GRHL2: variants seen among roughly 807,000 people sequenced by gnomAD.
GRHL2 encodes grainyhead like transcription factor 2.
GRHL2 carries 21 observed loss-of-function variants against 83.8 expected under a neutral mutation model. That is an observed-to-expected ratio of 0.25 (90% CI 0.18 to 0.36). The LOEUF (loss-of-function observed/expected upper bound fraction) is 0.36. Ranked by LOEUF, GRHL2 falls within the 10% of genes least tolerant of loss-of-function variation. GRHL2 has a pLI of 1.00. For missense variants in GRHL2, 623 were observed against 781.8 expected, an observed-to-expected ratio of 0.80 and a Z score of 2.42; for synonymous variants, 280 against 278.9, an observed-to-expected ratio of 1.00 and a Z score of -0.04.
intron 8 of GRHL2, among the ~76,000 whole-genome samples, chr8:101,610,809 C>T (rs1311552982): frequency 1.3e-5 from 2 of 150,834 alleles, no homozygotes; most frequent in South Asian, 4.2e-4. Context: ...CCAGGTTTGA[C>T]TTCTCACCAC....
downstream of GRHL2, among the ~76,000 whole-genome samples, chr8:101,672,484 C>T (rs555402357): frequency 3.8e-4 from 58 of 151,532 alleles, 1 homozygote; most frequent in African/African-American, 1.1e-3. Context: ...TGAAATGAAG[C>T]GAGAAGGGAA....
At chr8:101,613,542 C>A (rs1812794976) in intron 8 of GRHL2, among the ~76,000 whole-genome samples, 1 of 150,742 alleles carries the variant, frequency 6.6e-6, no homozygotes, top group Non-Finnish European at 1.5e-5. Context: ...GATGGTTACC[C>A]AAAGCTGAGA....
At chr8:101,562,814 G>T (rs536717987) in intron 4 of GRHL2, among the ~76,000 whole-genome samples, 20 of 152,270 alleles carry the variant, frequency 1.3e-4, no homozygotes, top group South Asian at 1.2e-3. Flanking sequence ...GGGGGTCATT[G>T]GTTCTCTACT....
intron 1 of GRHL2, chr8:101,529,162 C>G (rs1471060655): frequency 7.2e-6 from 2 of 278,832 alleles, no homozygotes; most frequent in African/African-American, 4.6e-5. Context: ...CTTCAGCATG[C>G]CCTGAAAAAT....
At chr8:101,619,255 A>AAAAAT (rs1246877235) in intron 8 of GRHL2, among the ~76,000 whole-genome samples, 6 of 152,306 alleles carry the variant, frequency 3.9e-5, no homozygotes, top group African/African-American at 9.6e-5. Context: ...TCTGTCTCAA[A>AAAAAT]AAAATAAAAT....
intron 14 of GRHL2, among the ~76,000 whole-genome samples, chr8:101,652,269 TA>T (rs1290900308): frequency 1.3e-5 from 2 of 151,154 alleles, no homozygotes; most frequent in Non-Finnish European, 2.9e-5. Context: ...CAATATGACA[TA>T]TTATATATCT....
intron 14 of GRHL2, among the ~76,000 whole-genome samples, chr8:101,656,532 A>T (rs1277698182): frequency 6.6e-6 from 1 of 152,202 alleles, no homozygotes; most frequent in Non-Finnish European, 1.5e-5. Flanking sequence ...AAGAAGGATA[A>T]ACATTCCCAT....
chr8:101,536,624 C>T, intron 1 of GRHL2, among the ~76,000 whole-genome samples: 1 of 152,170 alleles, frequency 6.6e-6, no homozygotes, highest in Admixed American at 6.5e-5. Flanking sequence ...GGCAGTCTGG[C>T]TTCAGAGTCT....
intron 9 of GRHL2, among the ~76,000 whole-genome samples, chr8:101,625,686 G>A (rs1301966809): frequency 6.6e-6 from 1 of 151,962 alleles, no homozygotes; most frequent in Non-Finnish European, 1.5e-5. Flanking sequence ...AACTGGGAAG[G>A]ACTATGTCAA....
chr8:101,530,441 G>A (rs1379313332), intron 1 of GRHL2, among the ~76,000 whole-genome samples: 3 of 152,018 alleles, frequency 2.0e-5, no homozygotes, highest in African/African-American at 7.2e-5. Context: ...AAGCTAATTT[G>A]GTTATAACAT....
Position 101,570,261 on chromosome 8 carries a change from T to C in GRHL2, c.679-78T>C. On this transcript the variant is annotated intron_variant, in intron 4 of 15. Coordinates refer to ENST00000646743, the MANE Select transcript of GRHL2 (RefSeq NM_024915.4). ...ATTTTCTAATGAGAGAATAAAATAG[T>C]TTGGATACATTTATTATTATCATTT... 3 of 1,100,888 alleles carry C rather than the reference T, an allele frequency of 2.7e-6. No homozygotes were observed. The East Asian group carries it at 7.1e-5, about 26-fold the overall frequency. The allele number at this position is 1,100,888 out of a possible 1,614,324, so 68.2% of individuals were successfully genotyped here.
intron 1 of GRHL2, among the ~76,000 whole-genome samples, chr8:101,540,891 T>C (rs1811138912): frequency 6.6e-6 from 1 of 152,174 alleles, no homozygotes. Flanking sequence ...ATGCATTGTA[T>C]AGTGATGAAG....
chr8:101,512,664 G>A (rs1329700490), intron 1 of GRHL2, among the ~76,000 whole-genome samples: 7 of 152,054 alleles, frequency 4.6e-5, no homozygotes, highest in South Asian at 2.1e-4. Context: ...TAGTAGAGAC[G>A]GGGTTTCACC....
downstream of GRHL2, among the ~76,000 whole-genome samples, chr8:101,674,608 T>C (rs199525296): frequency 1.3e-5 from 2 of 152,132 alleles, no homozygotes; most frequent in Admixed American, 6.5e-5. Context: ...GATGGATTCA[T>C]AGCCGAATTC....
chr8:101,653,421 C>T (rs527764208), intron 14 of GRHL2, among the ~76,000 whole-genome samples: 37 of 152,274 alleles, frequency 2.4e-4, no homozygotes, highest in South Asian at 1.5e-3. Context: ...CCCATAAACA[C>T]AAACATAGTC....
At chr8:101,610,912 T>C (rs1387869439) in intron 8 of GRHL2, among the ~76,000 whole-genome samples, 2 of 150,896 alleles carry the variant, frequency 1.3e-5, no homozygotes, top group African/African-American at 5.0e-5. Context: ...GAACTAATGT[T>C]CTAAGGTACC....
At chr8:101,576,960 C>A (rs1811944865) in intron 6 of GRHL2, among the ~76,000 whole-genome samples, 2 of 152,104 alleles carry the variant, frequency 1.3e-5, no homozygotes, top group Middle Eastern at 3.4e-3. Flanking sequence ...TTTTGATATT[C>A]CAGCCTGAGC....
At chr8:101,618,573 G>A (rs1022965129) in intron 8 of GRHL2, among the ~76,000 whole-genome samples, 3 of 152,014 alleles carry the variant, frequency 2.0e-5, no homozygotes, top group African/African-American at 7.3e-5. Flanking sequence ...AGTGACTTGT[G>A]TAAGGTTTCT....
chr8:101,515,156 TTCTCTCTCTCTG>T (rs1554582170), intron 1 of GRHL2, among the ~76,000 whole-genome samples: 1 of 103,554 alleles, frequency 9.7e-6, no homozygotes, highest in Non-Finnish European at 2.0e-5. Context: ...CCCTCTCTCT[TTCTCTCTCTCTG>T]TCTCTCTGCA....
Sources: allele counts gnomAD v4.1 joint callset (sites outside exome capture counted in the v4.1 genomes callset), GRCh38; gene constraint gnomAD v4.1.1; transcripts MANE v1.5; gene names NCBI Gene and HGNC (gene_info 2026-07-23, HGNC 2026-07-21).